Variants in FIBCD1 observed in about 807,000 individuals in gnomAD.
FIBCD1 encodes the protein fibrinogen C domain-containing protein 1.
Under a neutral mutation model 45.1 loss-of-function variants are expected in FIBCD1, and 47 were observed. That is an observed-to-expected ratio of 1.04 (90% CI 0.82 to 1.33). The LOEUF (loss-of-function observed/expected upper bound fraction) is 1.33, where lower values mean the gene tolerates loss of function less well. Among genes scored for constraint, FIBCD1 ranks in the 40% most tolerant of loss-of-function variants. The probability of loss-of-function intolerance (pLI) is 0.00; values close to 1 mark genes in which losing one functional copy is unlikely to be tolerated. For synonymous variants in FIBCD1, 313 were observed against 308.1 expected (o/e 1.02, Z -0.17); for missense variants, 653 against 682.2 (o/e 0.96, Z 0.48).
intron 4 of FIBCD1, among the ~76,000 whole-genome samples, chr9:130,916,005 C>T (rs1003608896): frequency 2.0e-5 from 3 of 152,224 alleles, no homozygotes; most frequent in African/African-American, 2.4e-5. Flanking sequence ...TCTCAGCTCA[C>T]TGCAACCTCT....
intron 5 of FIBCD1, among the ~76,000 whole-genome samples, chr9:130,910,703 A>G (rs540765595): frequency 1.3e-5 from 2 of 152,336 alleles, no homozygotes; most frequent in East Asian, 3.9e-4. Context: ...CCCTGTGTCT[A>G]GCTCAGGGTT....
rs935097850 is a variant in FIBCD1, at chr9:130,929,821, C to T, written c.298G>A (p.Asp100Asn). 17 of 1,550,108 alleles carry T rather than the reference C, an allele frequency of 1.1e-5. 1 individual carries two copies. The highest frequency in any genetic ancestry group is 1.4e-5 in the African/African-American group (1 of 73,176). ...AGGCGTGCGAAGCTGTCGGTGAGGTCGGGGCAGCGCGGGTCAATGAGGATG... is the reference window on the plus strand; with the variant it reads ...AGGCGTGCGAAGCTGTCGGTGAGGTTGGGGCAGCGCGGGTCAATGAGGATG... ...LSILIDPRCPDLTDSFARLES... is the reference protein window; with the variant it reads ...LSILIDPRCPNLTDSFARLES... Residue 100 changes from aspartate to asparagine, a missense_variant, in exon 2 of 7, where the codon GAC (aspartate) becomes AAC (asparagine). Asp to Asn is a conservative substitution (Grantham distance 23). Coordinates refer to ENST00000372338, the MANE Select transcript of FIBCD1 (RefSeq NM_032843.5).
chr9:130,924,543 G>A, intron 2 of FIBCD1, 147 bp from the exon 3 acceptor site: 1 of 777,296 alleles, frequency 1.3e-6, no homozygotes, highest in East Asian at 2.8e-5. Context: ...TGCCCCTTGG[G>A]TCCCTGTCCA....
Position 130,929,797 on chromosome 9 carries a change from G to T in FIBCD1, c.322C>A (p.Leu108Met). 1 of 1,552,488 alleles carries T rather than the reference G, an allele frequency of 6.4e-7. No homozygotes were observed. The change falls in exon 2 of 7, where the codon CTG becomes ATG. Residue 108 changes from leucine (L) to methionine (M), a missense_variant. Coordinates refer to ENST00000372338, the MANE Select transcript of FIBCD1 (RefSeq NM_032843.5). ...CPDLTDSFARLESAQASVLQA... is the reference protein window; with the variant it reads ...CPDLTDSFARMESAQASVLQA... ...AGCACCGAGGCCTGGGCGCTCTCCA[G>T]GCGTGCGAAGCTGTCGGTGAGGTCG...
chr9:130,914,923 TC>T (rs1480306015), intron 4 of FIBCD1, among the ~76,000 whole-genome samples: 1 of 151,994 alleles, frequency 6.6e-6, no homozygotes, highest in Non-Finnish European at 1.5e-5. Context: ...CCAAACCCTT[TC>T]CCCGAGCCCA....
intron 4 of FIBCD1, among the ~76,000 whole-genome samples, chr9:130,914,751 C>T (rs756051874): frequency 5.3e-5 from 8 of 152,200 alleles, no homozygotes; most frequent in East Asian, 3.9e-4. Context: ...CGCCTGGAAC[C>T]AATGCTGCCA....
chr9:130,909,316 G>C lies in FIBCD1; in HGVS notation c.946+2476C>G, dbSNP rs190412341. On this transcript the variant is annotated intron_variant, in intron 5 of 6. Coordinates refer to ENST00000372338, the MANE Select transcript of FIBCD1 (RefSeq NM_032843.5). The stretch of plus-strand genomic sequence containing the variant: ...AGCTTGTGGAACTCCCTGGATGTCC[G>C]CACACACCCGGGGGGCTTAAGTGCA... Among the ~76,000 whole-genome samples the C allele has an allele frequency of 6.6e-3, 914 of 138,602 alleles. 6 individuals carry two copies. Among genetic ancestry groups the C allele is most frequent in the African/African-American group, 0.023 (875 of 37,776 alleles). 90.9% of individuals were successfully genotyped at this position (138,602 alleles called of 152,430 possible).
intron 4 of FIBCD1, among the ~76,000 whole-genome samples, chr9:130,914,932 C>T (rs1259415978): frequency 6.6e-6 from 1 of 152,234 alleles, no homozygotes; most frequent in Non-Finnish European, 1.5e-5. Flanking sequence ...TTCCCCGAGC[C>T]CAGGCACCCC....
rs1414026468 is a variant in FIBCD1 at position 130,907,004 on chromosome 9, G to A, written c.947-1591C>T. Among the ~76,000 whole-genome samples the A allele has an allele frequency of 4.6e-5, 7 of 152,306 alleles. No individual in the cohort carries two copies. In the East Asian group the frequency reaches 1.3e-3, roughly 29 times the overall value. On this transcript the variant is annotated intron_variant, in intron 5 of 6. Transcript: ENST00000372338. ...AGGAGCTGGCCCAGGTCACGCGGCT[G>A]CTGAGTGGCATTGCTGGGATTTGAA...
rs538058487 is a variant in FIBCD1, at chr9:130,913,501, C to T, written c.850-1613G>A. On this transcript the variant is annotated intron_variant, in intron 4 of 6. Transcript: ENST00000372338. ...TGCTCTGAGCCCTCGGGGACGTGTCCGTCACGGCGTTTGGGCAGCTCTGAC... is the reference window on the plus strand; with the variant it reads ...TGCTCTGAGCCCTCGGGGACGTGTCTGTCACGGCGTTTGGGCAGCTCTGAC... Among the ~76,000 whole-genome samples, 14 of 152,098 alleles carry T rather than the reference C, an allele frequency of 9.2e-5. No homozygotes were observed. The East Asian group carries it at 2.1e-3, about 23-fold the overall frequency.
At chr9:130,936,624 G>GCACCTCGCCT (rs1211020078) in intron 1 of FIBCD1, among the ~76,000 whole-genome samples, 5 of 152,268 alleles carry the variant, frequency 3.3e-5, no homozygotes. Flanking sequence ...TCCCCAGAAG[G>GCACCTCGCCT]CACCTCCCCT....
At chr9:130,918,543 C>T (rs1185313640) in intron 4 of FIBCD1, among the ~76,000 whole-genome samples, 4 of 152,198 alleles carry the variant, frequency 2.6e-5, no homozygotes, top group Non-Finnish European at 5.9e-5. Context: ...CTCCCAGCCT[C>T]CCGGGCTTTC....
chr9:130,907,907 A>G (rs982047967), intron 5 of FIBCD1, among the ~76,000 whole-genome samples: 3 of 151,370 alleles, frequency 2.0e-5, no homozygotes, highest in African/African-American at 7.3e-5. Context: ...TCAAAAAAAA[A>G]AAAAAAAAGA....
intron 4 of FIBCD1, among the ~76,000 whole-genome samples, chr9:130,912,638 C>T (rs1242818477): frequency 1.3e-5 from 2 of 149,884 alleles, no homozygotes; most frequent in Non-Finnish European, 3.0e-5. Flanking sequence ...TCCCGGGAGG[C>T]GCAGGTTGCA....
At chr9:130,934,889 G>A (rs917311870) in intron 1 of FIBCD1, among the ~76,000 whole-genome samples, 2 of 152,052 alleles carry the variant, frequency 1.3e-5, no homozygotes, top group Non-Finnish European at 2.9e-5. Context: ...CAGAAGGAGG[G>A]GCTTGGGAAA....
At position 130,922,734 on chromosome 9, in the gene FIBCD1, CTG is replaced by C. The variant is rs1832283640; in HGVS notation, c.849+1008_849+1009del. On this transcript the variant is annotated intron_variant, in intron 4 of 6. Transcript: ENST00000372338. This position sits in a 1 kb window ranked among gnomAD's most constrained non-coding sequence, Gnocchi z 4.5. ...CTTCAACACCCCCAGTAGCTCCCGA[CTG>C]TGTGTCCCAACCCTGCAGCCTGGGG... Among the ~76,000 whole-genome samples, 1 of 152,136 alleles carries C rather than the reference CTG, an allele frequency of 6.6e-6. No homozygotes were observed. The highest frequency in any genetic ancestry group is 1.5e-5 in the Non-Finnish European group (1 of 68,030).
Position 130,926,816 on chromosome 9 carries a change from C to T in FIBCD1, c.553-2420G>A, listed in dbSNP as rs891446661. 1.3e-5 allele frequency among the ~76,000 whole-genome samples: 2 copies of T among 151,772 alleles called. No individual in the cohort carries two copies. Among genetic ancestry groups the T allele is most frequent in the Admixed American group, 6.6e-5 (1 of 15,226 alleles). Reference sequence around the variant, plus strand: ...CAGCTGGGTGACAGAGCGAGACAACCGTGTCTCAAAAAATAAATAAATGAA... The same window carrying T: ...CAGCTGGGTGACAGAGCGAGACAACTGTGTCTCAAAAAATAAATAAATGAA... On this transcript the variant is annotated intron_variant, in intron 2 of 6. Coordinates refer to ENST00000372338, the MANE Select transcript of FIBCD1 (RefSeq NM_032843.5). This position sits in a 1 kb window ranked among gnomAD's most constrained non-coding sequence, Gnocchi z 4.1.
Position 130,903,892 on chromosome 9 carries a change from G to T in FIBCD1, c.*172C>A. ...GAGGGGGTGGGGACGGCGAGAAGGCGATGTGTGACTTCACCGGCCCAGGGA... is the reference window on the plus strand; with the variant it reads ...GAGGGGGTGGGGACGGCGAGAAGGCTATGTGTGACTTCACCGGCCCAGGGA... On this transcript the variant is annotated 3_prime_UTR_variant, in exon 7 of 7. Transcript: ENST00000372338. The T allele has an allele frequency of 2.5e-6, 2 of 811,022 alleles. No individual in the cohort carries two copies. The highest frequency in any genetic ancestry group is 4.2e-6 in the Non-Finnish European group (2 of 481,786). 50.2% of individuals were successfully genotyped at this position (811,022 alleles called of 1,614,324 possible).
intron 5 of FIBCD1, among the ~76,000 whole-genome samples, chr9:130,911,014 C>T (rs1361536744): frequency 6.6e-6 from 1 of 152,218 alleles, no homozygotes; most frequent in East Asian, 1.9e-4. Flanking sequence ...CTCTACCAAG[C>T]AGCAGGATGT....
Sources: gnomAD v4.1 joint callset for allele counts (sites outside exome capture counted in the v4.1 genomes callset) on GRCh38, gnomAD v4.1.1 for gene constraint, Gnocchi (gnomAD v3.1) non-coding constraint, MANE v1.5 for transcripts, NCBI Gene and HGNC (gene_info 2026-07-23, HGNC 2026-07-21) for gene names.